Variants in PDE4B observed in about 807,000 individuals in gnomAD.
PDE4B encodes phosphodiesterase 4B, also known as 3',5'-cyclic-AMP phosphodiesterase 4B.
PDE4B carries 20 observed loss-of-function variants against 82.2 expected under a neutral mutation model. The ratio of observed to expected loss-of-function variants is 0.24; its 90% confidence interval spans 0.17 to 0.35. The LOEUF (loss-of-function observed/expected upper bound fraction) is 0.35, where lower values mean the gene tolerates loss of function less well. PDE4B is among the 10% of genes least tolerant of loss of function. The probability of loss-of-function intolerance (pLI) is 1.00; values close to 1 mark genes in which losing one functional copy is unlikely to be tolerated. For synonymous variants in PDE4B, 320 were observed against 318.9 expected, an observed-to-expected ratio of 1.00 and a Z score of -0.04; for missense variants, 655 against 907.2, an observed-to-expected ratio of 0.72 and a Z score of 3.57.
At chr1:66,080,366 C>T (rs1259838700) in intron 3 of PDE4B, among the ~76,000 whole-genome samples, 1 of 152,024 alleles carries the variant, frequency 6.6e-6, no homozygotes, top group Non-Finnish European at 1.5e-5. Flanking sequence ...ACCAGTCAGT[C>T]TAAGAATATT....
In PDE4B at chr1:66,257,834, A is replaced by G. The variant is rs1654364066; in HGVS notation, c.555A>G (p.Ile185Met). The G allele has an allele frequency of 6.2e-7, 1 of 1,613,330 alleles. No individual in the cohort carries two copies. Among genetic ancestry groups the G allele is most frequent in the Non-Finnish European group, 8.5e-7 (1 of 1,179,472 alleles). Residue 185 changes from isoleucine to methionine, a missense_variant, in exon 6 of 17, where the codon ATA (isoleucine) becomes ATG (methionine). Ile to Met is a conservative substitution (Grantham distance 10). Around this residue, in one of 3 missense-constraint regions of PDE4B, gnomAD observed 253 missense variants for 275.6 expected, o/e 0.92. Coordinates refer to ENST00000341517, the MANE Select transcript of PDE4B (RefSeq NM_002600.4). Reference sequence around the variant, plus strand: ...GAAGTGTGAGAAACAACTTCACTATACTGACAAACCTTCATGGTACATCTA... The same window carrying G: ...GAAGTGTGAGAAACAACTTCACTATGCTGACAAACCTTCATGGTACATCTA... Reference protein sequence around the residue: ...SLRSVRNNFTILTNLHGTSNK... With the variant: ...SLRSVRNNFTMLTNLHGTSNK...
intron 3 of PDE4B, among the ~76,000 whole-genome samples, chr1:66,135,073 T>C (rs1423931274): frequency 6.6e-6 from 1 of 152,146 alleles, no homozygotes; most frequent in Non-Finnish European, 1.5e-5. Context: ...GAGAAAGACA[T>C]GCCAAGGTAT....
chr1:65,850,202 T>C (rs1239881468), intron 1 of PDE4B, among the ~76,000 whole-genome samples: 1 of 149,450 alleles, frequency 6.7e-6, no homozygotes, highest in Non-Finnish European at 1.5e-5. Flanking sequence ...GTTCAAGTGA[T>C]TCTCCTGCCT....
Position 66,334,499 on chromosome 1 carries a change from C to T in PDE4B, c.747+1879C>T, listed in dbSNP as rs1438408480. 2.0e-5 allele frequency among the ~76,000 whole-genome samples: 3 copies of T among 152,198 alleles called. 1 individual carries two copies. The highest frequency in any genetic ancestry group is 2.0e-4 in the Admixed American group (3 of 15,286). On this transcript the variant is annotated intron_variant, in intron 8 of 16. Transcript: ENST00000341517. ...AGGATTCCAATCCCTCAGGCTTCCGCTCCTCCTTTATGGTGTTGTGTGCAG... is the reference window on the plus strand; with the variant it reads ...AGGATTCCAATCCCTCAGGCTTCCGTTCCTCCTTTATGGTGTTGTGTGCAG...
chr1:65,859,806 A>G (rs1014180515), intron 1 of PDE4B, among the ~76,000 whole-genome samples: 2 of 152,214 alleles, frequency 1.3e-5, no homozygotes, highest in African/African-American at 4.8e-5. Flanking sequence ...AAATTAATGA[A>G]GTTAAATTAA....
chr1:66,148,294 AT>A (rs1646315868), intron 3 of PDE4B, among the ~76,000 whole-genome samples: 1 of 151,744 alleles, frequency 6.6e-6, no homozygotes, highest in African/African-American at 2.4e-5. Context: ...TAATAATAAA[AT>A]AAATAAAATA....
At chr1:66,368,741 T>C (rs763302815) in intron 15 of PDE4B, 46 bp from the exon 16 acceptor site, 4 of 1,430,114 alleles carry the variant, frequency 2.8e-6, no homozygotes. Context: ...GTTCCGGCAG[T>C]ATTTACACCT....
chr1:66,083,251 C>T (rs1316034296), intron 3 of PDE4B, among the ~76,000 whole-genome samples: 1 of 152,074 alleles, frequency 6.6e-6, no homozygotes, highest in Non-Finnish European at 1.5e-5. Flanking sequence ...CCTCCTCTGT[C>T]AAGTCTGAAG....
chr1:65,805,009 G>A (rs1482907545), intron 1 of PDE4B, among the ~76,000 whole-genome samples: 1 of 151,852 alleles, frequency 6.6e-6, no homozygotes, highest in Non-Finnish European at 1.5e-5. Flanking sequence ...CTGTCTTCCA[G>A]GCTGGGGTGC....
At chr1:65,896,304 C>T (rs1306644428) in intron 1 of PDE4B, among the ~76,000 whole-genome samples, 4 of 152,012 alleles carry the variant, frequency 2.6e-5, no homozygotes, top group African/African-American at 9.7e-5. Flanking sequence ...AAGGGAACTC[C>T]CCTTTATAAA....
intron 1 of PDE4B, among the ~76,000 whole-genome samples, chr1:65,908,145 C>T (rs1647048236): frequency 6.6e-6 from 1 of 152,126 alleles, no homozygotes; most frequent in Admixed American, 6.6e-5. Flanking sequence ...ACTTCTGTAT[C>T]CCTTAGGCTC....
intron 3 of PDE4B, among the ~76,000 whole-genome samples, chr1:66,197,718 TA>T (rs1648451948): frequency 6.6e-6 from 1 of 151,854 alleles, no homozygotes; most frequent in Admixed American, 6.6e-5. Context: ...TGAAAATAAA[TA>T]AACTTATTTA....
intron 3 of PDE4B, among the ~76,000 whole-genome samples, chr1:66,089,670 CAACTTCTTAAACATTTGTA>C (rs1037407434): frequency 3.3e-5 from 5 of 152,110 alleles, no homozygotes; most frequent in East Asian, 1.9e-4. Flanking sequence ...ATAATCACAT[CAACTTCTTAAACATTTGTA>C]AACTTCTTAA....
In PDE4B at chr1:66,096,520, A is replaced by ATATATATATATG. The variant is rs1557557885; in HGVS notation, c.282-150929_282-150928insGTATATATATAT. ...TAAGTAAAAAAAATTATATATATAT[A>ATATATATATATG]TATATATATATATATATATATACTG... On this transcript the variant is annotated intron_variant, in intron 3 of 16. Transcript: ENST00000341517. Among the ~76,000 whole-genome samples the ATATATATATATG allele has an allele frequency of 5.2e-4, 68 of 130,964 alleles. 1 individual carries two copies. Among genetic ancestry groups the ATATATATATATG allele is most frequent in the Non-Finnish European group, 9.2e-4 (57 of 61,810 alleles). The allele number at this position is 130,964 out of a possible 152,430, so 85.9% of individuals were successfully genotyped here.
intron 3 of PDE4B, among the ~76,000 whole-genome samples, chr1:66,157,874 A>G (rs1360024473): frequency 6.6e-6 from 1 of 152,158 alleles, no homozygotes; most frequent in Non-Finnish European, 1.5e-5. Context: ...ATCAAAGCCC[A>G]TGTAAAAAGT....
intron 3 of PDE4B, among the ~76,000 whole-genome samples, chr1:66,043,917 T>G (rs1159000065): frequency 6.6e-6 from 1 of 151,688 alleles, no homozygotes; most frequent in Non-Finnish European, 1.5e-5. Flanking sequence ...CTAGGAACCA[T>G]GATTGGTAAG....
intron 3 of PDE4B, among the ~76,000 whole-genome samples, chr1:66,072,639 A>G (rs916354082): frequency 2.0e-5 from 3 of 152,124 alleles, no homozygotes; most frequent in Admixed American, 6.6e-5. Context: ...TGGTTCCCAC[A>G]TGGCCAACTC....
intron 3 of PDE4B, among the ~76,000 whole-genome samples, chr1:66,155,923 C>G (rs1375013538): frequency 6.6e-6 from 1 of 152,104 alleles, no homozygotes; most frequent in Non-Finnish European, 1.5e-5. Flanking sequence ...TGACCCCTGC[C>G]TGATTTCTTG....
In PDE4B at chr1:66,055,874, G is replaced by C. The variant is rs115117545; in HGVS notation, c.281+137039G>C. On this transcript the variant is annotated intron_variant, in intron 3 of 16. Coordinates refer to ENST00000341517, the MANE Select transcript of PDE4B (RefSeq NM_002600.4). ...AGATTGAGGTAGACAGAGGGTTTGT[G>C]ATTACTTGTTTTGTCTACAAAAAGG... Among the ~76,000 whole-genome samples the C allele has an allele frequency of 3.2e-3, 493 of 152,224 alleles. 3 individuals are homozygous for C. Among genetic ancestry groups the C allele is most frequent in the African/African-American group, 0.011 (466 of 41,552 alleles).
Sources: allele counts gnomAD v4.1 joint callset (sites outside exome capture counted in the v4.1 genomes callset), GRCh38; gene constraint gnomAD v4.1.1; regional missense constraint gnomAD v4.1.1; transcripts MANE v1.5; gene names NCBI Gene and HGNC (gene_info 2026-07-23, HGNC 2026-07-21).